DENND1A: variants seen among roughly 807,000 people sequenced by gnomAD.
The protein encoded by DENND1A is DENN domain-containing protein 1A.
A neutral mutation model predicts 113.7 loss-of-function variants in DENND1A; 51 were observed. That is an observed-to-expected ratio of 0.45 (90% CI 0.36 to 0.57). The LOEUF (loss-of-function observed/expected upper bound fraction) is 0.57. Ranked by LOEUF, DENND1A falls within the 20% of genes least tolerant of loss-of-function variation. DENND1A has a pLI of 0.00. For synonymous variants in DENND1A, 565 were observed against 570.8 expected (o/e 0.99, Z 0.14); for missense variants, 1,258 against 1,395.9 (o/e 0.90, Z 1.57).
At chr9:123,553,886 T>C (rs1267362731) in intron 13 of DENND1A, among the ~76,000 whole-genome samples, 1 of 152,124 alleles carries the variant, frequency 6.6e-6, no homozygotes, top group East Asian at 1.9e-4. Context: ...GCCTCCTGAG[T>C]AGCTGGGACT....
At chr9:123,556,327 C>T (rs146730454) in intron 13 of DENND1A, among the ~76,000 whole-genome samples, 84 of 152,236 alleles carry the variant, frequency 5.5e-4, no homozygotes, top group African/African-American at 2.0e-3. Flanking sequence ...CCCACTGCCC[C>T]GGCCACTTCA....
At chr9:123,482,712 T>C (rs2050449546) in intron 13 of DENND1A, among the ~76,000 whole-genome samples, 1 of 152,204 alleles carries the variant, frequency 6.6e-6, no homozygotes, top group Non-Finnish European at 1.5e-5. Flanking sequence ...GTTCCTGCTG[T>C]GCAGAGAACA....
At chr9:123,690,159 A>AG (rs2065100183) in intron 5 of DENND1A, among the ~76,000 whole-genome samples, 1 of 142,310 alleles carries the variant, frequency 7.0e-6, no homozygotes, top group African/African-American at 2.6e-5. Flanking sequence ...GGAGGGAGGG[A>AG]GGAAGGAGGA....
At chr9:123,608,526 A>G (rs190050525) in intron 11 of DENND1A, among the ~76,000 whole-genome samples, 13 of 152,320 alleles carry the variant, frequency 8.5e-5, no homozygotes, top group Admixed American at 5.2e-4. Context: ...TGAGGAGGAA[A>G]GGGCTTAGGG....
At chr9:123,801,134 T>C (rs1002989202) in intron 2 of DENND1A, among the ~76,000 whole-genome samples, 1 of 152,226 alleles carries the variant, frequency 6.6e-6, no homozygotes, top group Non-Finnish European at 1.5e-5. Flanking sequence ...AGTGCCTATG[T>C]CCTTTGAGAC....
At chr9:123,824,191 G>A (rs1022088828) in intron 2 of DENND1A, among the ~76,000 whole-genome samples, 1 of 152,122 alleles carries the variant, frequency 6.6e-6, no homozygotes, top group Non-Finnish European at 1.5e-5. Context: ...GGCTCAGAGA[G>A]GTAAAGTAGG....
intron 13 of DENND1A, among the ~76,000 whole-genome samples, chr9:123,472,663 A>C (rs892227440): frequency 6.6e-6 from 1 of 152,082 alleles, no homozygotes; most frequent in African/African-American, 2.4e-5. Context: ...GCAGCCACTG[A>C]GTTGCTCCCA....
intron 5 of DENND1A, among the ~76,000 whole-genome samples, chr9:123,716,805 T>A (rs2067004181): frequency 6.6e-6 from 1 of 152,190 alleles, no homozygotes; most frequent in East Asian, 1.9e-4. Flanking sequence ...AAATCCCAGA[T>A]GCTGTGAGTA....
chr9:123,443,626 C>T (rs2047089174), intron 18 of DENND1A, among the ~76,000 whole-genome samples: 1 of 152,208 alleles, frequency 6.6e-6, no homozygotes, highest in African/African-American at 2.4e-5. Flanking sequence ...TCTCAGGATG[C>T]CACAGGCAGC....
intron 2 of DENND1A, among the ~76,000 whole-genome samples, chr9:123,877,565 T>C (rs1349011205): frequency 6.6e-5 from 10 of 151,512 alleles, no homozygotes. Context: ...GGCTCATACC[T>C]GTAATCCCAG....
intron 20 of DENND1A, among the ~76,000 whole-genome samples, chr9:123,404,173 G>T (rs1490946407): frequency 6.6e-6 from 1 of 152,190 alleles, no homozygotes; most frequent in African/African-American, 2.4e-5. Context: ...CCCCACAGCT[G>T]CTGCAGCAGC....
chr9:123,707,914 GGAA>G (rs1017316508), intron 5 of DENND1A, among the ~76,000 whole-genome samples: 1 of 152,168 alleles, frequency 6.6e-6, no homozygotes, highest in African/African-American at 2.4e-5. Flanking sequence ...ATTCAGAATG[GGAA>G]GAAGAAAACT....
At chr9:123,700,223 G>A (rs1306983472) in intron 5 of DENND1A, among the ~76,000 whole-genome samples, 1 of 152,088 alleles carries the variant, frequency 6.6e-6, no homozygotes, top group Non-Finnish European at 1.5e-5. Flanking sequence ...TTTTGCCTAA[G>A]TTCTTTGCCA....
intron 13 of DENND1A, among the ~76,000 whole-genome samples, chr9:123,462,376 C>T (rs1051413911): frequency 2.6e-5 from 4 of 152,252 alleles, no homozygotes; most frequent in Admixed American, 6.5e-5. Context: ...TCAGGGTTAA[C>T]AGCTGGTGGC....
chr9:123,862,983 T>C (rs975420945), intron 2 of DENND1A, among the ~76,000 whole-genome samples: 1 of 152,166 alleles, frequency 6.6e-6, no homozygotes, highest in Non-Finnish European at 1.5e-5. Flanking sequence ...AACTTGAAAA[T>C]AGGATTGTGA....
chr9:123,914,639 G>A (rs902562218), intron 1 of DENND1A, among the ~76,000 whole-genome samples: 2 of 151,872 alleles, frequency 1.3e-5, no homozygotes, highest in Non-Finnish European at 2.9e-5. Context: ...CACAGTGCTG[G>A]CATCTGCTTC....
At chr9:123,721,315 C>T (rs527756857) in intron 5 of DENND1A, among the ~76,000 whole-genome samples, 68 of 152,328 alleles carry the variant, frequency 4.5e-4, no homozygotes, top group African/African-American at 1.6e-3. Context: ...CTCCTCTGCT[C>T]CAGGCATACT....
intron 3 of DENND1A, among the ~76,000 whole-genome samples, chr9:123,791,582 C>T (rs1832995444): frequency 6.6e-6 from 1 of 152,106 alleles, no homozygotes; most frequent in African/African-American, 2.4e-5. Flanking sequence ...CACATTATGT[C>T]CCCTTTATTC....
At chr9:123,525,808 G>C (rs2054792414) in intron 13 of DENND1A, among the ~76,000 whole-genome samples, 2 of 142,868 alleles carry the variant, frequency 1.4e-5, no homozygotes. Flanking sequence ...ACGTAGGCTG[G>C]AGTGCAGTGG....
Sources: gnomAD v4.1 joint callset for allele counts (sites outside exome capture counted in the v4.1 genomes callset) on GRCh38, gnomAD v4.1.1 for gene constraint, MANE v1.5 for transcripts, NCBI Gene and HGNC (gene_info 2026-07-23, HGNC 2026-07-21) for gene names.